Variants in ANTXR1 observed in about 807,000 individuals in gnomAD.
ANTXR1 encodes the protein anthrax toxin receptor 1.
ANTXR1 carries 19 observed loss-of-function variants against 78.1 expected under a neutral mutation model. The ratio of observed to expected loss-of-function variants is 0.24; its 90% CI spans 0.17 to 0.36. The LOEUF (loss-of-function observed/expected upper bound fraction) is 0.36, where lower values mean the gene tolerates loss of function less well. Ranked by LOEUF, ANTXR1 falls within the 10% of genes least tolerant of loss-of-function variation. The probability of loss-of-function intolerance (pLI) is 1.00; values close to 1 mark genes in which losing one functional copy is unlikely to be tolerated. For missense variants in ANTXR1, 518 were observed against 718.6 expected, an observed-to-expected ratio of 0.72 and a Z score of 3.19; for synonymous variants, 273 against 260.5, an observed-to-expected ratio of 1.05 and a Z score of -0.46.
intron 17 of ANTXR1, among the ~76,000 whole-genome samples, chr2:69,244,208 G>A (rs927137414): frequency 3.3e-5 from 5 of 152,236 alleles, no homozygotes; most frequent in African/African-American, 9.6e-5. Context: ...GGCTTTGGAC[G>A]CTGACTTTCA....
chr2:69,084,729 C>A (rs1056075516), intron 8 of ANTXR1, among the ~76,000 whole-genome samples: 1 of 151,302 alleles, frequency 6.6e-6, no homozygotes. Context: ...CTGCACGTGG[C>A]CATATTCCAT....
At chr2:69,150,627 A>G (rs538717276) in intron 12 of ANTXR1, among the ~76,000 whole-genome samples, 2 of 150,256 alleles carry the variant, frequency 1.3e-5, no homozygotes, top group Admixed American at 1.3e-4. Context: ...AGTAAATATC[A>G]GACAGTCTTT....
intron 17 of ANTXR1, among the ~76,000 whole-genome samples, chr2:69,236,973 T>A (rs890476380): frequency 1.3e-5 from 2 of 152,198 alleles, no homozygotes; most frequent in Non-Finnish European, 2.9e-5. Flanking sequence ...CCCTTCTCCC[T>A]TCCTTTTTTT....
Position 69,013,358 on chromosome 2 carries a change from A to G in ANTXR1, c.-142A>G, listed in dbSNP as rs1670920788. 3 of 1,183,478 alleles carry G rather than the reference A, an allele frequency of 2.5e-6. No homozygotes were observed. In the South Asian group the frequency reaches 4.0e-5, roughly 16 times the overall value. 73.3% of individuals were successfully genotyped at this position (1,183,478 alleles called of 1,614,324 possible). ...GGGAAACCTTGAACTCCTCCAGACA[A>G]TTGCTTCCGGGGAGTTGCGAGGGAG... is the stretch of plus-strand genomic sequence containing the variant. On this transcript the variant is annotated 5_prime_UTR_variant, in exon 1 of 18. Transcript: ENST00000303714. This position sits in a 1 kb window ranked among gnomAD's most constrained non-coding sequence, Gnocchi z 5.0.
Position 69,249,188 on chromosome 2 carries a change from C to G in ANTXR1, c.*3703C>G, listed in dbSNP as rs1419185306. 1 of 127,864 alleles carries G rather than the reference C, an allele frequency of 7.8e-6. No homozygotes were observed. The highest frequency in any genetic ancestry group is 1.7e-5 in the Non-Finnish European group (1 of 60,098). 7.9% of individuals were successfully genotyped at this position (127,864 alleles called of 1,614,324 possible). On this transcript the variant is annotated 3_prime_UTR_variant, in exon 18 of 18. Transcript: ENST00000303714. ...TAAATCAACTCTTTTTTCTGGTTGT[C>G]TGTTTGTTATAAAGTGCAACGTATT...
chr2:69,037,000 G>C (rs182743066), intron 1 of ANTXR1, among the ~76,000 whole-genome samples: 10 of 152,346 alleles, frequency 6.6e-5, no homozygotes, highest in Admixed American at 6.5e-4. Context: ...GCTAGGATAT[G>C]CAGTTCTGGT....
intron 10 of ANTXR1, among the ~76,000 whole-genome samples, chr2:69,116,490 T>C (rs1291404595): frequency 3.3e-5 from 5 of 152,254 alleles, no homozygotes. Context: ...CTGTCTGTTG[T>C]TCCATCATTT....
chr2:69,174,400 G>A (rs1470638353), intron 14 of ANTXR1, among the ~76,000 whole-genome samples: 1 of 152,208 alleles, frequency 6.6e-6, no homozygotes, highest in Non-Finnish European at 1.5e-5. Context: ...CACTTTGGGA[G>A]GCCGAGGCGG....
intron 3 of ANTXR1, among the ~76,000 whole-genome samples, chr2:69,049,299 T>C (rs1669864666): frequency 6.6e-6 from 1 of 151,990 alleles, no homozygotes; most frequent in Non-Finnish European, 1.5e-5. Flanking sequence ...TTTTGTTGAT[T>C]TCTTTTATTT....
At position 69,227,425 on chromosome 2, in the gene ANTXR1, TCAC is replaced by T. The variant is rs986758809; in HGVS notation, c.1435-17796_1435-17794del. ...CAAAGCCCAGCCTAATCCCAGAAGA[TCAC>T]CACAAGAGCCTACCACAGCACCCCA... On this transcript the variant is annotated intron_variant, in intron 17 of 17. Transcript: ENST00000303714. Among the ~76,000 whole-genome samples, 19 of 152,188 alleles carry T rather than the reference TCAC, an allele frequency of 1.2e-4. 1 individual carries two copies. The highest frequency in any genetic ancestry group is 3.9e-4 in the East Asian group (2 of 5,174).
At chr2:69,198,499 C>T (rs1446660710) in intron 17 of ANTXR1, among the ~76,000 whole-genome samples, 1 of 152,130 alleles carries the variant, frequency 6.6e-6, no homozygotes, top group African/African-American at 2.4e-5. Context: ...GTATCAGATC[C>T]TGTGCTTGCA....
intron 17 of ANTXR1, among the ~76,000 whole-genome samples, chr2:69,201,182 G>C (rs1457703494): frequency 2.0e-5 from 3 of 152,212 alleles, no homozygotes; most frequent in Non-Finnish European, 4.4e-5. Flanking sequence ...CACATGAGGT[G>C]TGGGAGCTAT....
chr2:69,100,598 G>C (rs1261950629), intron 9 of ANTXR1, among the ~76,000 whole-genome samples: 1 of 152,212 alleles, frequency 6.6e-6, no homozygotes, highest in Non-Finnish European at 1.5e-5. Context: ...CATGTGGCCT[G>C]CATTTCCACA....
chr2:69,075,757 C>G, intron 7 of ANTXR1, 99 bp downstream of exon 7: 1 of 1,086,602 alleles, frequency 9.2e-7, no homozygotes, highest in Non-Finnish European at 1.4e-6. Flanking sequence ...GGAATAAATG[C>G]CCCTGAAATA....
chr2:69,014,300 TGGA>T (rs1670957298), intron 1 of ANTXR1, among the ~76,000 whole-genome samples: 1 of 152,120 alleles, frequency 6.6e-6, no homozygotes, highest in South Asian at 2.1e-4. Context: ...CTCTGCCCAC[TGGA>T]TGCCAGTAAC....
At chr2:69,222,856 T>C (rs1031160655) in intron 17 of ANTXR1, among the ~76,000 whole-genome samples, 13 of 152,268 alleles carry the variant, frequency 8.5e-5, no homozygotes, top group Admixed American at 6.5e-4. Context: ...CAGAACCTTC[T>C]GTGAGGTTCC....
intron 1 of ANTXR1, among the ~76,000 whole-genome samples, chr2:69,026,245 A>G (rs1558732444): frequency 6.6e-6 from 1 of 152,342 alleles, no homozygotes; most frequent in South Asian, 2.1e-4. Context: ...ATGGACTTCA[A>G]CATGGACTCT....
chr2:69,069,370 T>C (rs1047362069), intron 3 of ANTXR1, among the ~76,000 whole-genome samples: 10 of 152,134 alleles, frequency 6.6e-5, no homozygotes, highest in African/African-American at 2.4e-4. Flanking sequence ...TTCTTATCTG[T>C]GAAATGGCGG....
chr2:69,116,249 A>G (rs971869781), intron 10 of ANTXR1, among the ~76,000 whole-genome samples: 3 of 152,102 alleles, frequency 2.0e-5, no homozygotes, highest in Non-Finnish European at 4.4e-5. Context: ...CCCCCCTAAC[A>G]CACATTTGTG....
Sources: gnomAD v4.1 joint callset for allele counts (sites outside exome capture counted in the v4.1 genomes callset) on GRCh38, gnomAD v4.1.1 for gene constraint, Gnocchi (gnomAD v3.1) non-coding constraint, MANE v1.5 for transcripts, NCBI Gene and HGNC (gene_info 2026-07-23, HGNC 2026-07-21) for gene names.